Variants in ATP9A observed in about 807,000 individuals in gnomAD.
The protein encoded by ATP9A is probable phospholipid-transporting ATPase IIA.
ATP9A carries 52 observed loss-of-function variants against 144.1 expected under a neutral mutation model. The ratio of observed to expected loss-of-function variants is 0.36; its 90% CI spans 0.29 to 0.45. The LOEUF (loss-of-function observed/expected upper bound fraction) is 0.45. ATP9A is among the 20% of genes least tolerant of loss of function. The probability of loss-of-function intolerance (pLI) is 1.00; values close to 1 mark genes in which losing one functional copy is unlikely to be tolerated. For synonymous variants in ATP9A, 582 were observed against 557.4 expected (o/e 1.04, Z -0.62); for missense variants, 947 against 1,392.7 (o/e 0.68, Z 5.09).
At chr20:51,744,509 G>C (rs1333123369) in intron 1 of ATP9A, among the ~76,000 whole-genome samples, 1 of 152,150 alleles carries the variant, frequency 6.6e-6, no homozygotes, top group Non-Finnish European at 1.5e-5. Flanking sequence ...CTTAGGATTT[G>C]ACTTTAAGAC....
chr20:51,604,294 C>A (rs1251317416), intron 27 of ATP9A, among the ~76,000 whole-genome samples: 3 of 152,156 alleles, frequency 2.0e-5, no homozygotes, highest in Admixed American at 6.5e-5. Flanking sequence ...CCCACGTCTA[C>A]GGAACTGGCG....
At chr20:51,767,773 C>G (rs1404108477) in intron 1 of ATP9A, among the ~76,000 whole-genome samples, 2 of 152,258 alleles carry the variant, frequency 1.3e-5, no homozygotes, top group East Asian at 3.9e-4. Context: ...GCCACCGGAG[C>G]GCAGGTGGTC....
chr20:51,601,167 C>T lies in ATP9A; in HGVS notation c.*44G>A. ...TAAATGGAACTTGAGCTCTGTCCAT[C>T]AGGGAAGCGCCAAGACCAGGGCCCC... On this transcript the variant is annotated 3_prime_UTR_variant, in exon 28 of 28. Transcript: ENST00000338821. The T allele has an allele frequency of 6.5e-7, 1 of 1,543,494 alleles. No homozygotes were observed. The highest frequency in any genetic ancestry group is 8.7e-7 in the Non-Finnish European group (1 of 1,145,948).
intron 14 of ATP9A, among the ~76,000 whole-genome samples, chr20:51,653,124 C>T (rs1368488412): frequency 1.4e-5 from 2 of 147,970 alleles, no homozygotes; most frequent in African/African-American, 5.1e-5. Context: ...AAAAAAACAA[C>T]CACAGCAAAA....
At chr20:51,747,387 AAT>A (rs2077813295) in intron 1 of ATP9A, among the ~76,000 whole-genome samples, 1 of 152,274 alleles carries the variant, frequency 6.6e-6, no homozygotes, top group African/African-American at 2.4e-5. Context: ...TCACAGCGGC[AAT>A]AGACAGGGCA....
intron 21 of ATP9A, 114 bp from the exon 22 acceptor site, chr20:51,617,668 C>A (rs1475431646): frequency 9.0e-7 from 1 of 1,117,166 alleles, no homozygotes; most frequent in Non-Finnish European, 1.3e-6. Context: ...GAGTGCCTGG[C>A]CTGCCCCGTC....
chr20:51,644,097 T>C (rs2426337), intron 14 of ATP9A, among the ~76,000 whole-genome samples: 70,027 of 151,680 alleles, frequency 0.46, 17,690 homozygotes, highest in East Asian at 0.8. Flanking sequence ...ATGGCGCCAT[T>C]GCACTTCAGC....
intron 14 of ATP9A, among the ~76,000 whole-genome samples, chr20:51,655,574 A>G (rs2077383556): frequency 6.6e-6 from 1 of 152,224 alleles, no homozygotes; most frequent in South Asian, 2.1e-4. Context: ...TCAAAACCAC[A>G]ATGAGATACC....
intron 1 of ATP9A, among the ~76,000 whole-genome samples, chr20:51,759,452 C>T (rs1000766867): frequency 2.0e-5 from 3 of 152,212 alleles, no homozygotes; most frequent in Admixed American, 6.5e-5. Flanking sequence ...GTGGGTGGAT[C>T]ACCTGAGGTC....
At chr20:51,632,485 C>A (rs1420451959) in intron 15 of ATP9A, among the ~76,000 whole-genome samples, 1 of 152,192 alleles carries the variant, frequency 6.6e-6, no homozygotes, top group Non-Finnish European at 1.5e-5. Context: ...GTTTCTCAGG[C>A]CCTTCCTCAG....
chr20:51,680,786 G>C (rs2077496840), intron 9 of ATP9A, among the ~76,000 whole-genome samples: 1 of 152,122 alleles, frequency 6.6e-6, no homozygotes, highest in Non-Finnish European at 1.5e-5. Flanking sequence ...ATTAGAATCA[G>C]AGGGCAATTA....
chr20:51,737,829 C>A (rs934520288), intron 1 of ATP9A, among the ~76,000 whole-genome samples: 6 of 152,104 alleles, frequency 3.9e-5, no homozygotes, highest in African/African-American at 1.4e-4. Context: ...AAACCAAACA[C>A]CTCCACGGGA....
chr20:51,741,320 C>T lies in ATP9A; in HGVS notation c.69-11342G>A, dbSNP rs559333901. 1.4e-4 allele frequency among the ~76,000 whole-genome samples: 21 copies of T among 152,320 alleles called. No homozygotes were observed. In the East Asian group the frequency reaches 2.7e-3, roughly 20 times the overall value. ...CACAGGCCAGGCGCGGTGGCTCACG[C>T]CTGTAATCCCAGTACTTTGGGAGGC... On this transcript the variant is annotated intron_variant, in intron 1 of 27. Coordinates refer to ENST00000338821, the MANE Select transcript of ATP9A (RefSeq NM_006045.3).
At chr20:51,653,413 G>A (rs73913006) in intron 14 of ATP9A, among the ~76,000 whole-genome samples, 122 of 152,258 alleles carry the variant, frequency 8.0e-4, no homozygotes, top group African/African-American at 2.6e-3. Flanking sequence ...GGGCATTAAA[G>A]CCTCCAGAGA....
chr20:51,605,345 G>A (rs57812268), intron 26 of ATP9A, among the ~76,000 whole-genome samples: 5,955 of 152,328 alleles, frequency 0.039, 327 homozygotes, highest in African/African-American at 0.12. Context: ...GCGGCCAGGC[G>A]CGGGGGCTCA....
chr20:51,721,800 CAA>C (rs1159903304), intron 3 of ATP9A, among the ~76,000 whole-genome samples: 8 of 86,866 alleles, frequency 9.2e-5, no homozygotes, highest in African/African-American at 1.2e-4. Context: ...GACTCCATCT[CAA>C]AAAAAAAAAA....
intron 1 of ATP9A, among the ~76,000 whole-genome samples, chr20:51,766,684 T>C (rs2077905345): frequency 6.6e-6 from 1 of 151,830 alleles, no homozygotes; most frequent in South Asian, 2.1e-4. Flanking sequence ...CTACTAAAAA[T>C]ACAAAAACTA....
chr20:51,706,249 T>C (rs1474267392), intron 4 of ATP9A, among the ~76,000 whole-genome samples: 3 of 152,236 alleles, frequency 2.0e-5, no homozygotes, highest in Non-Finnish European at 2.9e-5. Context: ...TGGCACATAG[T>C]AGGTAACTTG....
At chr20:51,753,433 A>G (rs1016847028) in intron 1 of ATP9A, among the ~76,000 whole-genome samples, 3 of 148,138 alleles carry the variant, frequency 2.0e-5, no homozygotes, top group Admixed American at 6.9e-5. Flanking sequence ...CCTGGGCAAC[A>G]GAGTGAGACT....
Sources: allele counts gnomAD v4.1 joint callset (sites outside exome capture counted in the v4.1 genomes callset), GRCh38; gene constraint gnomAD v4.1.1; transcripts MANE v1.5; gene names NCBI Gene and HGNC (gene_info 2026-07-23, HGNC 2026-07-21).